RRAS2: variants seen among roughly 807,000 people sequenced by gnomAD.
RRAS2 encodes ras-related protein R-Ras2.
In RRAS2, 7 loss-of-function variants were observed where a neutral mutation model predicts 27.6. That is an observed-to-expected ratio of 0.25 (90% CI 0.14 to 0.48). RRAS2 has a LOEUF of 0.48. Among genes scored for constraint, RRAS2 ranks in the 20% least tolerant of loss-of-function variants. The probability of loss-of-function intolerance (pLI) is 0.99; values close to 1 mark genes in which losing one functional copy is unlikely to be tolerated. For synonymous variants in RRAS2, 86 were observed against 90.9 expected (o/e 0.95, Z 0.31); for missense variants, 178 against 256.2 (o/e 0.69, Z 2.08).
chr11:14,352,754 TATAG>T (rs1250977465), intron 1 of RRAS2, among the ~76,000 whole-genome samples: 135 of 118,654 alleles, frequency 1.1e-3, no homozygotes, highest in African/African-American at 3.1e-3. Flanking sequence ...AATATATATA[TATAG>T]AGAGAGAGAG....
intron 1 of RRAS2, among the ~76,000 whole-genome samples, chr11:14,301,065 GAGCAC>G (rs1454785704): frequency 2.0e-5 from 3 of 152,114 alleles, no homozygotes; most frequent in African/African-American, 7.2e-5. Context: ...GGGCAGTTCT[GAGCAC>G]AGCATCATTC....
chr11:14,303,602 C>T (rs1457929992), intron 1 of RRAS2, among the ~76,000 whole-genome samples: 2 of 152,138 alleles, frequency 1.3e-5, no homozygotes, highest in Non-Finnish European at 2.9e-5. Flanking sequence ...GTTTAAATAT[C>T]CTTCAGCCCC....
intron 1 of RRAS2, among the ~76,000 whole-genome samples, chr11:14,328,487 A>C (rs1342789610): frequency 6.6e-6 from 1 of 152,180 alleles, no homozygotes; most frequent in African/African-American, 2.4e-5. Context: ...AGCTATAGTA[A>C]AATTTTAAGA....
chr11:14,353,309 A>T (rs1849003985), intron 1 of RRAS2, among the ~76,000 whole-genome samples: 1 of 152,118 alleles, frequency 6.6e-6, no homozygotes, highest in Admixed American at 6.5e-5. Context: ...TTCTTGACCT[A>T]CTCAACAAAA....
At chr11:14,305,502 G>C (rs960920770) in intron 1 of RRAS2, among the ~76,000 whole-genome samples, 3 of 152,144 alleles carry the variant, frequency 2.0e-5, no homozygotes, top group African/African-American at 7.2e-5. Context: ...GCTTGTCTTT[G>C]GGGTACCACT....
At chr11:14,331,850 A>C (rs1479032194) in intron 1 of RRAS2, among the ~76,000 whole-genome samples, 2 of 152,206 alleles carry the variant, frequency 1.3e-5, no homozygotes, top group Non-Finnish European at 2.9e-5. Context: ...ACAACTCAGT[A>C]ACACAAAGCA....
intron 1 of RRAS2, among the ~76,000 whole-genome samples, chr11:14,301,139 G>T (rs1847691016): frequency 1.3e-5 from 2 of 152,196 alleles, no homozygotes; most frequent in South Asian, 4.1e-4. Flanking sequence ...AAGGGAAAAG[G>T]AAAGGAGAGA....
rs1413528478 is a variant in RRAS2 at position 14,307,227 on chromosome 11, C to CA, written c.109-11373dup. Reference sequence around the variant, plus strand: ...AAAAAAAACAAAAAAAAACAAAAAACAACAACAACAAAAAAAAAGCAGAAA... The same window carrying CA: ...AAAAAAAACAAAAAAAAACAAAAAACAAACAACAACAAAAAAAAAGCAGAAA... On this transcript the variant is annotated intron_variant, in intron 1 of 5. Coordinates refer to ENST00000256196, the MANE Select transcript of RRAS2 (RefSeq NM_012250.6). 7.2e-5 allele frequency among the ~76,000 whole-genome samples: 9 copies of CA among 124,420 alleles called. No individual in the cohort carries two copies. In the South Asian group the frequency reaches 2.0e-3, roughly 28 times the overall value. The allele number at this position is 124,420 out of a possible 152,430, so 81.6% of individuals were successfully genotyped here.
chr11:14,293,666 T>C (rs1554946143), intron 4 of RRAS2, among the ~76,000 whole-genome samples: 1 of 152,226 alleles, frequency 6.6e-6, no homozygotes, highest in African/African-American at 2.4e-5. Context: ...CTCCTTCGCC[T>C]TCCGCCATGA....
At chr11:14,353,965 A>C in intron 1 of RRAS2, among the ~76,000 whole-genome samples, 1 of 152,358 alleles carries the variant, frequency 6.6e-6, no homozygotes, top group South Asian at 2.1e-4. Flanking sequence ...TTAAACACTA[A>C]AAATGTCTAG....
intron 1 of RRAS2, among the ~76,000 whole-genome samples, chr11:14,335,786 C>T (rs1848577005): frequency 6.6e-6 from 1 of 152,086 alleles, no homozygotes; most frequent in African/African-American, 2.4e-5. Flanking sequence ...AACATATATC[C>T]CAGAGTTGGA....
At chr11:14,334,443 A>G (rs1181704651) in intron 1 of RRAS2, among the ~76,000 whole-genome samples, 1 of 152,130 alleles carries the variant, frequency 6.6e-6, no homozygotes, top group African/African-American at 2.4e-5. Flanking sequence ...GATCATATCC[A>G]TTAAGTTATA....
At chr11:14,340,958 C>T (rs1384202261) in intron 1 of RRAS2, among the ~76,000 whole-genome samples, 2 of 152,124 alleles carry the variant, frequency 1.3e-5, no homozygotes, top group Non-Finnish European at 2.9e-5. Context: ...TTTCTCTCCC[C>T]CATCCCACCT....
chr11:14,309,742 G>A (rs1407393192), intron 1 of RRAS2, among the ~76,000 whole-genome samples: 9 of 152,208 alleles, frequency 5.9e-5, no homozygotes, highest in Admixed American at 4.6e-4. Context: ...AGCCAGTGTA[G>A]CTACAACAAC....
chr11:14,325,087 C>A (rs1848321165), intron 1 of RRAS2, among the ~76,000 whole-genome samples: 1 of 152,166 alleles, frequency 6.6e-6, no homozygotes, highest in Non-Finnish European at 1.5e-5. Flanking sequence ...TATAGTACCT[C>A]ACCTGGAATG....
chr11:14,294,894 T>G, intron 2 of RRAS2, 32 bp from the exon 3 acceptor site: 1 of 1,593,914 alleles, frequency 6.3e-7, no homozygotes, highest in Non-Finnish European at 8.6e-7. Flanking sequence ...TAATTATACT[T>G]GTTTTTTATA....
At chr11:14,284,492 T>G (rs1444081317) in intron 4 of RRAS2, among the ~76,000 whole-genome samples, 1 of 152,194 alleles carries the variant, frequency 6.6e-6, no homozygotes, top group Non-Finnish European at 1.5e-5. Context: ...AAGGGTACAC[T>G]TAATGTCAAT....
At chr11:14,315,146 A>G (rs1591465689) in intron 1 of RRAS2, among the ~76,000 whole-genome samples, 1 of 152,232 alleles carries the variant, frequency 6.6e-6, no homozygotes, top group Admixed American at 6.5e-5. Context: ...TGAGCTGCAC[A>G]TAAGGACTTC....
chr11:14,296,164 G>C (rs1847544889), intron 1 of RRAS2, among the ~76,000 whole-genome samples: 1 of 151,662 alleles, frequency 6.6e-6, no homozygotes, highest in Non-Finnish European at 1.5e-5. Context: ...TGGGAGACAG[G>C]ACAAGACCCT....
Sources: gnomAD v4.1 joint callset for allele counts (sites outside exome capture counted in the v4.1 genomes callset) on GRCh38, gnomAD v4.1.1 for gene constraint, MANE v1.5 for transcripts, NCBI Gene and HGNC (gene_info 2026-07-23, HGNC 2026-07-21) for gene names.